The following SAMD5 variants were observed in gnomAD, a reference collection of about 807,000 sequenced individuals.
The protein encoded by SAMD5 is sterile alpha motif domain containing 5, also known as sterile alpha motif domain-containing protein 5.
In SAMD5, 13 loss-of-function variants were observed where a neutral mutation model predicts 11.3. That is an observed-to-expected ratio of 1.15 (90% CI 0.75 to 1.83). The LOEUF (loss-of-function observed/expected upper bound fraction) is 1.83. SAMD5 is among the 40% of genes most tolerant of loss of function. The pLI, the probability that SAMD5 is intolerant of heterozygous loss-of-function variation, is 0.00. For synonymous variants in SAMD5, 129 were observed against 111.3 expected, an observed-to-expected ratio of 1.16 and a Z score of -1.00; for missense variants, 255 against 239.1, an observed-to-expected ratio of 1.07 and a Z score of -0.44.
chr6:147,613,291 C>G (rs1789812873), intron 1 of SAMD5, among the ~76,000 whole-genome samples: 1 of 151,892 alleles, frequency 6.6e-6, no homozygotes, highest in Non-Finnish European at 1.5e-5. Context: ...GGGTTTTTGT[C>G]CTGTGAATCT....
At chr6:147,910,656 G>C in the SAMD5 span, among the ~76,000 whole-genome samples, 2 of 152,152 alleles carry the variant, frequency 1.3e-5, no homozygotes, top group African/African-American at 2.4e-5. Flanking sequence ...CCATTATCTG[G>C]AATCTTTCAG....
At chr6:147,626,791 G>GAAAAAAA (rs529975933) in intron 1 of SAMD5, among the ~76,000 whole-genome samples, 733 of 54,616 alleles carry the variant, frequency 0.013, 33 homozygotes, top group African/African-American at 0.026. Context: ...CTGTTTCTAT[G>GAAAAAAA]AAAAAAAAAA....
chr6:147,869,799 G>T, the SAMD5 span, among the ~76,000 whole-genome samples: 2 of 152,062 alleles, frequency 1.3e-5, no homozygotes, highest in Non-Finnish European at 2.9e-5. Flanking sequence ...CCAGGCTCAA[G>T]GGATCTTCCC....
intron 1 of SAMD5, among the ~76,000 whole-genome samples, chr6:147,581,613 C>T (rs527620247): frequency 6.6e-6 from 1 of 152,200 alleles, no homozygotes; most frequent in African/African-American, 2.4e-5. Context: ...AAGGAATGTT[C>T]AACAATGCCA....
chr6:147,933,638 A>G, the SAMD5 span, among the ~76,000 whole-genome samples: 33 of 151,070 alleles, frequency 2.2e-4, no homozygotes, highest in Non-Finnish European at 4.4e-4. Flanking sequence ...TTCGATTCCA[A>G]ACAATCTAAA....
the SAMD5 span, among the ~76,000 whole-genome samples, chr6:147,951,370 C>T: frequency 6.6e-6 from 1 of 151,930 alleles, no homozygotes; most frequent in Non-Finnish European, 1.5e-5. Context: ...TTAGTAGAGA[C>T]TGGGTTTCAC....
At chr6:147,805,371 A>G in the SAMD5 span, among the ~76,000 whole-genome samples, 1 of 152,162 alleles carries the variant, frequency 6.6e-6, no homozygotes, top group African/African-American at 2.4e-5. Context: ...ATCTGATCTC[A>G]GCTATGTTTA....
chr6:147,637,620 T>C (rs1456524188), intron 1 of SAMD5, among the ~76,000 whole-genome samples: 2 of 152,156 alleles, frequency 1.3e-5, no homozygotes, highest in Non-Finnish European at 2.9e-5. Flanking sequence ...GGCGAGGGAT[T>C]ATACACCTTT....
intron 1 of SAMD5, among the ~76,000 whole-genome samples, chr6:147,670,829 T>G (rs1003571681): frequency 1.3e-5 from 2 of 152,264 alleles, no homozygotes; most frequent in Middle Eastern, 3.2e-3. Flanking sequence ...TTTGGTTTTC[T>G]GTCATTCATG....
the SAMD5 span, among the ~76,000 whole-genome samples, chr6:147,856,366 A>C: frequency 6.6e-6 from 1 of 152,186 alleles, no homozygotes; most frequent in African/African-American, 2.4e-5. Flanking sequence ...TCATTATCTT[A>C]ATTGTGGCAC....
chr6:147,701,957 T>G (rs943490747), intron 1 of SAMD5, among the ~76,000 whole-genome samples: 3 of 152,154 alleles, frequency 2.0e-5, no homozygotes, highest in Non-Finnish European at 4.4e-5. Context: ...GGAACCTGAC[T>G]AAAGAATTGG....
At chr6:147,814,084 A>G in the SAMD5 span, among the ~76,000 whole-genome samples, 1 of 152,174 alleles carries the variant, frequency 6.6e-6, no homozygotes, top group African/African-American at 2.4e-5. Flanking sequence ...TTAATACTAT[A>G]TATAGTTCAT....
chr6:147,552,975 G>A (rs1788798002), intron 1 of SAMD5, among the ~76,000 whole-genome samples: 1 of 152,158 alleles, frequency 6.6e-6, no homozygotes, highest in African/African-American at 2.4e-5. Context: ...TTCTAAAGAT[G>A]TGTCTAAGTA....
intron 1 of SAMD5, among the ~76,000 whole-genome samples, chr6:147,735,312 G>A (rs1400737013): frequency 6.6e-6 from 1 of 152,196 alleles, no homozygotes; most frequent in South Asian, 2.1e-4. Flanking sequence ...AATGGCATAG[G>A]ATGTTAGAAG....
chr6:147,579,814 G>T (rs976091313), intron 1 of SAMD5, among the ~76,000 whole-genome samples: 1 of 152,030 alleles, frequency 6.6e-6, no homozygotes, highest in Non-Finnish European at 1.5e-5. Context: ...TATAGGCTGG[G>T]TATTTTCCAA....
At chr6:147,690,206 C>G (rs1791080864) in intron 1 of SAMD5, among the ~76,000 whole-genome samples, 1 of 152,128 alleles carries the variant, frequency 6.6e-6, no homozygotes, top group Non-Finnish European at 1.5e-5. Flanking sequence ...AATTCTTCAA[C>G]CATACAAACC....
chr6:147,744,177 G>T, the SAMD5 span, among the ~76,000 whole-genome samples: 5 of 152,278 alleles, frequency 3.3e-5, no homozygotes, highest in African/African-American at 1.2e-4. Context: ...AAATAGAGCT[G>T]TCTGCCTATT....
Position 147,566,201 on chromosome 6 carries a change from TA to T in SAMD5, c.*1748del, listed in dbSNP as rs764575087. The stretch of plus-strand genomic sequence containing the variant: ...TTATCATATACAAATGTAAGGAAGT[TA>T]AATTTTAAAAGCATGTATAGGTTGT... On this transcript the variant is annotated 3_prime_UTR_variant, in exon 2 of 2. Transcript: ENST00000367474. 1.0e-4 allele frequency: 100 copies of T among 978,132 alleles called. No individual in the cohort carries two copies. The highest frequency in any genetic ancestry group is 1.1e-4 in the Non-Finnish European group (93 of 823,470). The allele number at this position is 978,132 out of a possible 1,614,324, so 60.6% of individuals were successfully genotyped here.
chr6:147,541,626 C>A (rs943930801), intron 1 of SAMD5, among the ~76,000 whole-genome samples: 1 of 152,160 alleles, frequency 6.6e-6, no homozygotes, highest in African/African-American at 2.4e-5. Flanking sequence ...AAGGAGGGTT[C>A]TCTGAGTTAG....
Sources: allele counts gnomAD v4.1 joint callset (sites outside exome capture counted in the v4.1 genomes callset), GRCh38; gene constraint gnomAD v4.1.1; transcripts MANE v1.5; gene names NCBI Gene and HGNC (gene_info 2026-07-23, HGNC 2026-07-21).